Variants in CNTNAP2 observed in about 807,000 individuals in gnomAD.
CNTNAP2 encodes the protein contactin associated protein 2, also known as contactin-associated protein-like 2.
In CNTNAP2, 98 loss-of-function variants were observed where a neutral mutation model predicts 155.2. The ratio of observed to expected loss-of-function variants is 0.63; its 90% confidence interval spans 0.54 to 0.75. The LOEUF (loss-of-function observed/expected upper bound fraction) is 0.75. Among genes scored for constraint, CNTNAP2 ranks in the 30% least tolerant of loss-of-function variants. The pLI is 0.00. For synonymous variants in CNTNAP2, 651 were observed against 631.2 expected, an observed-to-expected ratio of 1.03 and a Z score of -0.47; for missense variants, 1,727 against 1,688.1, an observed-to-expected ratio of 1.02 and a Z score of -0.40.
At chr7:148,402,847 C>T (rs1043026958) in intron 22 of CNTNAP2, among the ~76,000 whole-genome samples, 3 of 151,642 alleles carry the variant, frequency 2.0e-5, no homozygotes, top group Admixed American at 2.0e-4. Context: ...ATTTTTTTGT[C>T]TCTGATATAT....
intron 3 of CNTNAP2, among the ~76,000 whole-genome samples, chr7:146,858,553 A>G (rs1193824734): frequency 6.6e-6 from 1 of 152,164 alleles, no homozygotes; most frequent in Non-Finnish European, 1.5e-5. Context: ...AATTAGCCAG[A>G]CATGGTGGCA....
chr7:146,231,606 G>T (rs188970346), intron 1 of CNTNAP2, among the ~76,000 whole-genome samples: 2 of 152,284 alleles, frequency 1.3e-5, no homozygotes, highest in Admixed American at 6.5e-5. Context: ...ACCAGTGAAT[G>T]ATTCTTTCTT....
rs189928442 is a variant in CNTNAP2, at chr7:147,378,485, A to C, written c.1499-17124A>C. 2.0e-5 allele frequency among the ~76,000 whole-genome samples: 3 copies of C among 152,176 alleles called. No homozygotes were observed. The East Asian group carries it at 5.8e-4, about 29-fold the overall frequency. ...AGATAGAACTGAAGGACATTATGTT[A>C]AGTGAAGTAAACCAGGCACAGAAAG... On this transcript the variant is annotated intron_variant, in intron 9 of 23. Coordinates refer to ENST00000361727, the MANE Select transcript of CNTNAP2 (RefSeq NM_014141.6).
intron 11 of CNTNAP2, among the ~76,000 whole-genome samples, chr7:147,510,881 C>CAT (rs1159395754): frequency 2.2e-4 from 8 of 35,820 alleles, no homozygotes; most frequent in Admixed American, 5.0e-4. Context: ...AATGCTTCCT[C>CAT]ATATATATAT....
intron 3 of CNTNAP2, among the ~76,000 whole-genome samples, chr7:146,843,822 A>G (rs924899438): frequency 3.3e-5 from 5 of 152,134 alleles, no homozygotes; most frequent in African/African-American, 1.2e-4. Flanking sequence ...AACATTATGT[A>G]TACTGGACTT....
rs1554415300 is a variant in CNTNAP2 at position 147,635,198 on chromosome 7, A to ATATATATATATATATATATATATG, written c.1898-3905_1898-3904insATATATATATATATATATATGTAT. ...TCACTGGCAAACTATATATATATATATATGTTTAATTTTAATTATTTTGCT... is the reference window on the plus strand; with the variant it reads ...TCACTGGCAAACTATATATATATATATATATATATATATATATATATATGTATGTTTAATTTTAATTATTTTGCT... On this transcript the variant is annotated intron_variant, in intron 12 of 23. Coordinates refer to ENST00000361727, the MANE Select transcript of CNTNAP2 (RefSeq NM_014141.6). Among the ~76,000 whole-genome samples the ATATATATATATATATATATATATG allele has an allele frequency of 4.7e-3, 703 of 149,070 alleles. 14 individuals carry two copies. Among genetic ancestry groups the ATATATATATATATATATATATATG allele is most frequent in the African/African-American group, 0.017 (677 of 39,280 alleles).
chr7:146,320,397 T>C (rs1033080082), intron 1 of CNTNAP2, among the ~76,000 whole-genome samples: 9 of 152,152 alleles, frequency 5.9e-5, no homozygotes, highest in Non-Finnish European at 4.4e-5. Context: ...TTTCTTTCCC[T>C]TCAGGAACAA....
chr7:148,247,625 C>CTTTATTTATT (rs373741779), intron 20 of CNTNAP2, among the ~76,000 whole-genome samples: 1 of 105,314 alleles, frequency 9.5e-6, no homozygotes, highest in Non-Finnish European at 1.8e-5. Context: ...CTCTCTCTCT[C>CTTTATTTATT]TATTTATTTA....
intron 10 of CNTNAP2, among the ~76,000 whole-genome samples, chr7:147,478,623 C>A (rs1038351797): frequency 7.2e-5 from 11 of 152,172 alleles, no homozygotes; most frequent in African/African-American, 2.7e-4. Flanking sequence ...CTCACTATCA[C>A]AGGTTCATTT....
At chr7:146,257,858 G>A (rs1264317397) in intron 1 of CNTNAP2, among the ~76,000 whole-genome samples, 1 of 151,802 alleles carries the variant, frequency 6.6e-6, no homozygotes, top group East Asian at 1.9e-4. Flanking sequence ...GTACCTTTTT[G>A]TGCAATTGAG....
chr7:147,973,259 A>T (rs2116857681), intron 14 of CNTNAP2, among the ~76,000 whole-genome samples: 1 of 151,828 alleles, frequency 6.6e-6, no homozygotes, highest in East Asian at 2.0e-4. Flanking sequence ...AGTTTCCACA[A>T]CTAATGTAGA....
At chr7:148,299,741 C>T (rs1414138783) in intron 21 of CNTNAP2, among the ~76,000 whole-genome samples, 3 of 152,186 alleles carry the variant, frequency 2.0e-5, no homozygotes, top group Non-Finnish European at 4.4e-5. Flanking sequence ...GTGTAATGTG[C>T]TCTAGAAATG....
chr7:147,185,812 A>G (rs1210660603), intron 8 of CNTNAP2, among the ~76,000 whole-genome samples: 1 of 152,142 alleles, frequency 6.6e-6, no homozygotes, highest in East Asian at 1.9e-4. Flanking sequence ...GAGGTAATTG[A>G]ATCATGGGGA....
chr7:146,660,986 GT>G (rs1378913508), intron 1 of CNTNAP2, among the ~76,000 whole-genome samples: 1 of 152,138 alleles, frequency 6.6e-6, no homozygotes, highest in Non-Finnish European at 1.5e-5. Context: ...GAAATGCAGG[GT>G]AAAAAGCACT....
intron 20 of CNTNAP2, among the ~76,000 whole-genome samples, chr7:148,265,252 A>C (rs1166987633): frequency 6.6e-6 from 1 of 152,168 alleles, no homozygotes; most frequent in African/African-American, 2.4e-5. Context: ...ATTTAAGATT[A>C]TCTGAACGGA....
intron 4 of CNTNAP2, among the ~76,000 whole-genome samples, chr7:147,102,463 T>C (rs1034520968): frequency 3.9e-5 from 6 of 152,106 alleles, no homozygotes; most frequent in African/African-American, 1.2e-4. Flanking sequence ...GGAATCTAAA[T>C]GGTATGCAGA....
chr7:148,384,549 T>C (rs1467410977), intron 22 of CNTNAP2, among the ~76,000 whole-genome samples: 2 of 152,162 alleles, frequency 1.3e-5, no homozygotes, highest in East Asian at 3.8e-4. Flanking sequence ...TACTCCTAGC[T>C]CCACCTAAAT....
intron 2 of CNTNAP2, among the ~76,000 whole-genome samples, chr7:146,803,157 T>C (rs967314416): frequency 1.3e-5 from 2 of 152,010 alleles, no homozygotes; most frequent in African/African-American, 4.8e-5. Flanking sequence ...TGAAGTGGAA[T>C]GAACGTGCAC....
At chr7:146,527,486 C>A in intron 1 of CNTNAP2, among the ~76,000 whole-genome samples, 1 of 150,184 alleles carries the variant, frequency 6.7e-6, no homozygotes, top group African/African-American at 2.5e-5. Context: ...ATATCAGGCT[C>A]AATGTCATAT....
Sources: allele counts gnomAD v4.1 joint callset (sites outside exome capture counted in the v4.1 genomes callset), GRCh38; gene constraint gnomAD v4.1.1; transcripts MANE v1.5; gene names NCBI Gene and HGNC (gene_info 2026-07-23, HGNC 2026-07-21).